PATJ: variants seen among roughly 807,000 people sequenced by gnomAD.
The protein encoded by PATJ is PATJ crumbs cell polarity complex component.
Under a neutral mutation model 224.9 loss-of-function variants are expected in PATJ, and 190 were observed. The ratio of observed to expected loss-of-function variants is 0.84; its 90% CI spans 0.75 to 0.95. PATJ has a LOEUF of 0.95. PATJ is among the 40% of genes least tolerant of loss of function. PATJ has a pLI of 0.00. For missense variants in PATJ, 2,121 were observed against 2,270.3 expected (o/e 0.93, Z 1.34); for synonymous variants, 769 against 820.3 (o/e 0.94, Z 1.07).
intron 39 of PATJ, among the ~76,000 whole-genome samples, chr1:62,125,402 G>A (rs1366949504): frequency 5.3e-5 from 8 of 152,058 alleles, no homozygotes; most frequent in Admixed American, 4.6e-4. Flanking sequence ...TGAATGTAAT[G>A]TCTTTAGCAT....
intron 27 of PATJ, among the ~76,000 whole-genome samples, chr1:61,987,429 T>G (rs1644824154): frequency 6.6e-6 from 1 of 152,168 alleles, no homozygotes; most frequent in African/African-American, 2.4e-5. Flanking sequence ...CCTTATTACT[T>G]TCTGAGAGAG....
intron 39 of PATJ, 125 bp downstream of exon 39, chr1:62,123,183 A>G (rs979190024): frequency 6.0e-6 from 4 of 670,986 alleles, no homozygotes; most frequent in Non-Finnish European, 1.0e-5. Context: ...AGATAAAAAT[A>G]TGGTCTAAAT....
chr1:62,062,063 G>A (rs979624103), intron 31 of PATJ, among the ~76,000 whole-genome samples: 3 of 152,182 alleles, frequency 2.0e-5, no homozygotes, highest in Admixed American at 6.5e-5. Context: ...GAATGCAGGT[G>A]TCTTTCTGGT....
chr1:61,847,729 A>T (rs1400847174), intron 17 of PATJ, among the ~76,000 whole-genome samples: 1 of 152,226 alleles, frequency 6.6e-6, no homozygotes, highest in Non-Finnish European at 1.5e-5. Flanking sequence ...CCAAAAGTAA[A>T]TGCTTAGCTT....
At position 62,009,380 on chromosome 1, in the gene PATJ, T is replaced by C. The variant is rs187538346; in HGVS notation, c.3868-8476T>C. ...TATGTTTATACTATGGTCTATAAAG[T>C]GTGCATTAGCATTATGTCTAAACAA... On this transcript the variant is annotated intron_variant, in intron 28 of 43. Coordinates refer to ENST00000642238, the MANE Select transcript of PATJ (RefSeq NM_001350145.3). Among the ~76,000 whole-genome samples, 124 of 152,340 alleles carry C rather than the reference T, an allele frequency of 8.1e-4. 1 individual carries two copies. Among genetic ancestry groups the C allele is most frequent in the African/African-American group, 3.0e-3 (124 of 41,584 alleles).
intron 28 of PATJ, among the ~76,000 whole-genome samples, chr1:61,997,830 A>AGTTTT (rs1558014077): frequency 1.4e-4 from 21 of 147,084 alleles, no homozygotes; most frequent in Middle Eastern, 3.5e-3. Flanking sequence ...GTTTTAAAAA[A>AGTTTT]AAAAAAGACA....
chr1:61,776,784 G>C (rs1348172667), intron 7 of PATJ, among the ~76,000 whole-genome samples: 1 of 151,016 alleles, frequency 6.6e-6, no homozygotes, highest in Non-Finnish European at 1.5e-5. Flanking sequence ...GGAGGGCAGT[G>C]GCGTGATCTT....
In PATJ at chr1:61,869,393, A is replaced by G. The variant is rs1013578740; in HGVS notation, c.2835+4760A>G. 5.3e-5 allele frequency among the ~76,000 whole-genome samples: 8 copies of G among 152,216 alleles called. No individual in the cohort carries two copies. The East Asian group carries it at 5.8e-4, about 11-fold the overall frequency. On this transcript the variant is annotated intron_variant, in intron 20 of 43. Transcript: ENST00000642238. ...AGTTAACATTTTTGATTATGTTGAT[A>G]ATTTTTTAAATGCAGGGCCACTGAT...
At chr1:61,836,080 G>T (rs981321026) in intron 17 of PATJ, among the ~76,000 whole-genome samples, 7 of 152,032 alleles carry the variant, frequency 4.6e-5, no homozygotes, top group Non-Finnish European at 8.8e-5. Context: ...ATTCAGTAAA[G>T]GATGGAAAGA....
chr1:62,027,268 A>G (rs954384351), intron 29 of PATJ, among the ~76,000 whole-genome samples: 2 of 152,178 alleles, frequency 1.3e-5, no homozygotes, highest in Non-Finnish European at 2.9e-5. Context: ...TGTATTTTCA[A>G]TGTTCATTCA....
chr1:62,027,403 G>A (rs1031712816), intron 29 of PATJ, among the ~76,000 whole-genome samples: 1 of 152,200 alleles, frequency 6.6e-6, no homozygotes, highest in Non-Finnish European at 1.5e-5. Flanking sequence ...TTTGGTGACT[G>A]TAGATAATGC....
At chr1:61,931,243 G>A (rs1675986481) in intron 27 of PATJ, among the ~76,000 whole-genome samples, 1 of 152,202 alleles carries the variant, frequency 6.6e-6, no homozygotes. Context: ...TAGGTGTTGA[G>A]AATATGGCAG....
At chr1:61,858,616 C>T (rs900776881) in intron 18 of PATJ, among the ~76,000 whole-genome samples, 5 of 152,098 alleles carry the variant, frequency 3.3e-5, no homozygotes, top group East Asian at 1.9e-4. Flanking sequence ...CATTCACCAT[C>T]GCGAAGACAG....
At chr1:61,912,919 C>T (rs979190518) in intron 25 of PATJ, among the ~76,000 whole-genome samples, 1 of 152,082 alleles carries the variant, frequency 6.6e-6, no homozygotes, top group Non-Finnish European at 1.5e-5. Context: ...TAAACCCCAC[C>T]AGTCTTTGAA....
chr1:62,058,286 A>G (rs1654871575), intron 31 of PATJ, among the ~76,000 whole-genome samples: 1 of 152,210 alleles, frequency 6.6e-6, no homozygotes, highest in Non-Finnish European at 1.5e-5. Context: ...CTGACCGTGC[A>G]TTTTACCATT....
intron 42 of PATJ, 77 bp downstream of exon 42, chr1:62,148,467 A>ACT: frequency 9.9e-7 from 1 of 1,012,786 alleles, no homozygotes; most frequent in Non-Finnish European, 1.6e-6. Context: ...ACTCAAGTGC[A>ACT]CTCTAAAGGA....
intron 16 of PATJ, among the ~76,000 whole-genome samples, chr1:61,830,003 A>G (rs1435313032): frequency 6.6e-6 from 1 of 152,164 alleles, no homozygotes; most frequent in African/African-American, 2.4e-5. Flanking sequence ...TCAGCTTCAT[A>G]TTGTTCCCAT....
intron 7 of PATJ, among the ~76,000 whole-genome samples, chr1:61,784,344 T>C (rs1051583431): frequency 6.6e-6 from 1 of 152,166 alleles, no homozygotes; most frequent in Non-Finnish European, 1.5e-5. Flanking sequence ...GGACGGAAAA[T>C]GTTGATCAGA....
intron 21 of PATJ, among the ~76,000 whole-genome samples, chr1:61,880,875 C>T (rs1027455632): frequency 2.6e-5 from 4 of 152,218 alleles, no homozygotes; most frequent in African/African-American, 9.6e-5. Context: ...GGGCAGATCA[C>T]TTGAGGTCAG....
Sources: gnomAD v4.1 joint callset for allele counts (sites outside exome capture counted in the v4.1 genomes callset) on GRCh38, gnomAD v4.1.1 for gene constraint, MANE v1.5 for transcripts, NCBI Gene and HGNC (gene_info 2026-07-23, HGNC 2026-07-21) for gene names.